The following ZNRF1 variants were observed in gnomAD, a reference collection of about 807,000 sequenced individuals.
The protein encoded by ZNRF1 is zinc and ring finger 1.
In ZNRF1, 3 loss-of-function variants were observed where a neutral mutation model predicts 18.4. That is an observed-to-expected ratio of 0.16 (90% CI 0.07 to 0.42). The LOEUF (loss-of-function observed/expected upper bound fraction) is 0.42. Ranked by LOEUF, ZNRF1 falls within the 10% of genes least tolerant of loss-of-function variation. ZNRF1 has a pLI of 0.99. For missense variants in ZNRF1, 310 were observed against 329.8 expected, an observed-to-expected ratio of 0.94 and a Z score of 0.47; for synonymous variants, 157 against 144.2, an observed-to-expected ratio of 1.09 and a Z score of -0.64.
At chr16:75,002,211 G>C (rs184544787) in intron 1 of ZNRF1, 1 of 152,350 alleles carries the variant, frequency 6.6e-6, no homozygotes, top group East Asian at 1.9e-4. Flanking sequence ...TTCACATAAA[G>C]TAATTGGCTT....
chr16:75,016,939 G>A (rs2145331186), intron 1 of ZNRF1, among the ~76,000 whole-genome samples: 2 of 152,208 alleles, frequency 1.3e-5, no homozygotes, highest in Middle Eastern at 3.4e-3. Flanking sequence ...GACAAATAAG[G>A]GAATCCAGAT....
rs758449252 is a variant in ZNRF1, at chr16:75,108,106, C to T, written c.*406C>T. ...TGCCCAGCCATAACCCACTCAGTGACAGACGAACACAGCTAAGGCCTCGCT... is the reference window on the plus strand; with the variant it reads ...TGCCCAGCCATAACCCACTCAGTGATAGACGAACACAGCTAAGGCCTCGCT... On this transcript the variant is annotated 3_prime_UTR_variant, in exon 5 of 5. Coordinates refer to ENST00000335325, the MANE Select transcript of ZNRF1 (RefSeq NM_032268.5). 130 of 238,784 alleles carry T rather than the reference C, an allele frequency of 5.4e-4. 2 individuals carry two copies. The highest frequency in any genetic ancestry group is 6.7e-4 in the Non-Finnish European group (80 of 118,610). 14.8% of individuals were successfully genotyped at this position (238,784 alleles called of 1,614,324 possible).
chr16:75,077,112 G>T (rs1490713365), intron 1 of ZNRF1, among the ~76,000 whole-genome samples: 1 of 152,222 alleles, frequency 6.6e-6, no homozygotes, highest in East Asian at 1.9e-4. Flanking sequence ...GTTGATCCAG[G>T]CCGGGCATGG....
chr16:75,025,159 C>A (rs990887836), intron 1 of ZNRF1, among the ~76,000 whole-genome samples: 22 of 152,142 alleles, frequency 1.4e-4, no homozygotes, highest in African/African-American at 5.3e-4. Context: ...GCTCTGCCTC[C>A]CGGGTTCATG....
At chr16:75,092,591 G>T (rs562323220) in intron 1 of ZNRF1, among the ~76,000 whole-genome samples, 17 of 152,364 alleles carry the variant, frequency 1.1e-4, no homozygotes, top group African/African-American at 4.1e-4. Flanking sequence ...CATCTGTGTT[G>T]TATGGACAAA....
intron 1 of ZNRF1, among the ~76,000 whole-genome samples, chr16:75,008,512 G>C (rs2034952904): frequency 1.3e-5 from 2 of 152,154 alleles, no homozygotes; most frequent in South Asian, 4.1e-4. Flanking sequence ...CAAGAGCTTA[G>C]GATGAATCTA....
At chr16:75,106,166 G>C in intron 3 of ZNRF1, 1 of 317,510 alleles carries the variant, frequency 3.1e-6, no homozygotes, top group Non-Finnish European at 6.1e-6. Flanking sequence ...CCTTCTCACT[G>C]GTGGCTGCTG....
intron 1 of ZNRF1, among the ~76,000 whole-genome samples, chr16:75,074,462 G>C (rs1018879436): frequency 6.6e-6 from 1 of 152,172 alleles, no homozygotes; most frequent in Non-Finnish European, 1.5e-5. Flanking sequence ...GAATATTTAT[G>C]GGTGGATTTA....
intron 1 of ZNRF1, among the ~76,000 whole-genome samples, chr16:75,091,138 C>T (rs1357426100): frequency 6.6e-6 from 1 of 152,110 alleles, no homozygotes; most frequent in Non-Finnish European, 1.5e-5. Flanking sequence ...GCAGGTAGAT[C>T]ATCTGAGGTC....
chr16:75,027,469 C>T (rs1320210389), intron 1 of ZNRF1, among the ~76,000 whole-genome samples: 1 of 152,030 alleles, frequency 6.6e-6, no homozygotes, highest in Non-Finnish European at 1.5e-5. Context: ...AAGAGTTGCC[C>T]CCTGTGACTC....
chr16:75,088,404 A>G (rs890683886), intron 1 of ZNRF1, among the ~76,000 whole-genome samples: 1 of 152,210 alleles, frequency 6.6e-6, no homozygotes, highest in Non-Finnish European at 1.5e-5. Context: ...CCCAGTGCCA[A>G]ATGGAAAGCA....
intron 1 of ZNRF1, among the ~76,000 whole-genome samples, chr16:75,039,977 A>G (rs528195400): frequency 2.6e-5 from 4 of 151,920 alleles, no homozygotes; most frequent in South Asian, 2.1e-4. Flanking sequence ...TAAATGTACA[A>G]TGAGATTTAG....
intron 1 of ZNRF1, among the ~76,000 whole-genome samples, chr16:75,071,900 C>G (rs1325054473): frequency 4.6e-5 from 7 of 152,084 alleles, no homozygotes; most frequent in Admixed American, 3.3e-4. Flanking sequence ...ACCCCTGACT[C>G]CTGCACCTAG....
chr16:75,085,604 C>T (rs1269419916), intron 1 of ZNRF1, among the ~76,000 whole-genome samples: 2 of 152,098 alleles, frequency 1.3e-5, no homozygotes, highest in East Asian at 1.9e-4. Flanking sequence ...TAAGAAACTA[C>T]CAGACCTTTC....
At chr16:75,103,296 T>G (rs2145430301) in intron 2 of ZNRF1, among the ~76,000 whole-genome samples, 1 of 152,358 alleles carries the variant, frequency 6.6e-6, no homozygotes, top group South Asian at 2.1e-4. Flanking sequence ...TTTCTTTCTT[T>G]TTAAACATTG....
At chr16:75,094,078 G>A (rs1349806681) in intron 2 of ZNRF1, among the ~76,000 whole-genome samples, 2 of 152,232 alleles carry the variant, frequency 1.3e-5, no homozygotes, top group Non-Finnish European at 2.9e-5. Flanking sequence ...TCCTTGGGGA[G>A]GTGGGGGCTG....
At chr16:75,062,105 C>A (rs1452125157) in intron 1 of ZNRF1, among the ~76,000 whole-genome samples, 4 of 152,208 alleles carry the variant, frequency 2.6e-5, no homozygotes, top group Admixed American at 2.0e-4. Flanking sequence ...AGTGAGAAAT[C>A]TAAGCAAATG....
rs951352758 is a variant in ZNRF1, at chr16:75,109,441, C to G, written c.*1741C>G. On this transcript the variant is annotated 3_prime_UTR_variant, in exon 5 of 5. Transcript: ENST00000335325. ...CTGGACCATCCCCCTGCTGCCACGG[C>G]CCCTGGCTCCGCAGTCACCCTCCAT... 6.5e-6 allele frequency: 1 copy of G among 153,502 alleles called. No individual in the cohort carries two copies. Among genetic ancestry groups the G allele is most frequent in the Non-Finnish European group, 1.5e-5 (1 of 68,832 alleles). The allele number at this position is 153,502 out of a possible 1,614,324, so 9.5% of individuals were successfully genotyped here.
At chr16:75,061,549 C>T (rs2035744704) in intron 1 of ZNRF1, among the ~76,000 whole-genome samples, 1 of 116,328 alleles carries the variant, frequency 8.6e-6, no homozygotes, top group African/African-American at 3.3e-5. Flanking sequence ...CATGTTGTTG[C>T]AGATTACTGG....
Sources: gnomAD v4.1 joint callset for allele counts (sites outside exome capture counted in the v4.1 genomes callset) on GRCh38, gnomAD v4.1.1 for gene constraint, MANE v1.5 for transcripts, NCBI Gene and HGNC (gene_info 2026-07-23, HGNC 2026-07-21) for gene names.